Variants in ATF7IP observed in about 807,000 individuals in gnomAD.
ATF7IP encodes activating transcription factor 7-interacting protein 1.
A neutral mutation model predicts 106.4 loss-of-function variants in ATF7IP; 23 were observed. The ratio of observed to expected loss-of-function variants is 0.22; its 90% CI spans 0.16 to 0.31. The LOEUF is 0.31. ATF7IP is among the 10% of genes least tolerant of loss of function. The probability of loss-of-function intolerance (pLI) is 1.00; values close to 1 mark genes in which losing one functional copy is unlikely to be tolerated. For synonymous variants in ATF7IP, 542 were observed against 539.0 expected (o/e 1.01, Z -0.08); for missense variants, 1,334 against 1,524.3 (o/e 0.88, Z 2.08).
chr12:14,371,930 T>G (rs1938547934), intron 1 of ATF7IP, among the ~76,000 whole-genome samples: 1 of 152,124 alleles, frequency 6.6e-6, no homozygotes, highest in Admixed American at 6.5e-5. Context: ...TTCCTGCCTT[T>G]TGAGTTTCTA....
chr12:14,464,022 A>T (rs2136737599), intron 9 of ATF7IP, among the ~76,000 whole-genome samples: 1 of 152,282 alleles, frequency 6.6e-6, no homozygotes, highest in South Asian at 2.1e-4. Context: ...ACTATATAAA[A>T]CTAGAGTTGG....
Position 14,451,086 on chromosome 12 carries a change from T to C in ATF7IP, c.1995+4033T>C, listed in dbSNP as rs187797642. Among the ~76,000 whole-genome samples, 184 of 152,198 alleles carry C rather than the reference T, an allele frequency of 1.2e-3. 2 individuals carry two copies. The highest frequency in any genetic ancestry group is 4.2e-3 in the African/African-American group (176 of 41,570). ...ACTGATTAAGTCTCCTTAATAATTA[T>C]AGATTTATTTATTTATTTACTTTTA... On this transcript the variant is annotated intron_variant, in intron 6 of 14. Transcript: ENST00000261168.
chr12:14,425,034 A>C lies in ATF7IP; in HGVS notation c.1119A>C (p.Glu373Asp), dbSNP rs1174791614. The C allele has an allele frequency of 7.5e-6, 12 of 1,610,500 alleles. No homozygotes were observed. The highest frequency in any genetic ancestry group is 1.0e-5 in the Non-Finnish European group (12 of 1,179,128). The change falls in exon 2 of 15, where the codon GAA becomes GAC. Residue 373 changes from glutamate (E) to aspartate (D), a missense_variant. Coordinates refer to ENST00000261168, the MANE Select transcript of ATF7IP (RefSeq NM_018179.5). The part of the protein sequence containing the change: ...RPPENEKKVE[E>D]DIITELALGE... ...CTGAAAATGAAAAGAAGGTAGAGGAAGATATTATCACAGAGCTTGCTCTTG... is the reference window on the plus strand; with the variant it reads ...CTGAAAATGAAAAGAAGGTAGAGGACGATATTATCACAGAGCTTGCTCTTG...
chr12:14,416,278 TATTTA>T (rs1004588274), intron 1 of ATF7IP, among the ~76,000 whole-genome samples: 1 of 75,600 alleles, frequency 1.3e-5, no homozygotes, highest in African/African-American at 3.1e-5. Context: ...GATTATTTAA[TATTTA>T]ATTCAGCCAT....
chr12:14,462,961 A>G (rs1256512947), intron 9 of ATF7IP, among the ~76,000 whole-genome samples: 1 of 151,984 alleles, frequency 6.6e-6, no homozygotes, highest in Non-Finnish European at 1.5e-5. Context: ...TTTTTTCATA[A>G]TGCTAACTAA....
chr12:14,500,091 G>A lies in ATF7IP; in HGVS notation c.*2018G>A, dbSNP rs934750876. 1.3e-5 allele frequency: 2 copies of A among 152,274 alleles called. No individual in the cohort carries two copies. Among genetic ancestry groups the A allele is most frequent in the African/African-American group, 2.4e-5 (1 of 41,572 alleles). 9.4% of individuals were successfully genotyped at this position (152,274 alleles called of 1,614,324 possible). Reference sequence around the variant, plus strand: ...TTTATGGAGTTTGTGAAATAACTTCGAAGTCCTCTTCCTTTACAATATTTG... The same window carrying A: ...TTTATGGAGTTTGTGAAATAACTTCAAAGTCCTCTTCCTTTACAATATTTG... On this transcript the variant is annotated 3_prime_UTR_variant, in exon 15 of 15. Transcript: ENST00000261168.
At chr12:14,416,869 A>G in intron 1 of ATF7IP, 1 of 977,130 alleles carries the variant, frequency 1.0e-6, no homozygotes, top group Non-Finnish European at 1.2e-6. Flanking sequence ...GGACTGAAAC[A>G]TTGAAGCAGC....
chr12:14,376,919 C>T (rs1283289862), intron 1 of ATF7IP, among the ~76,000 whole-genome samples: 1 of 151,376 alleles, frequency 6.6e-6, no homozygotes, highest in Non-Finnish European at 1.5e-5. Context: ...GAACAAAACT[C>T]CATCTCAAAA....
chr12:14,372,922 T>C (rs893330294), intron 1 of ATF7IP, among the ~76,000 whole-genome samples: 1 of 152,180 alleles, frequency 6.6e-6, no homozygotes, highest in African/African-American at 2.4e-5. Flanking sequence ...TCCTCAGAAC[T>C]GTCAAAGCTG....
intron 9 of ATF7IP, 148 bp downstream of exon 9, chr12:14,461,281 C>G (rs1943629494): frequency 1.3e-6 from 1 of 744,674 alleles, no homozygotes; most frequent in South Asian, 3.0e-5. Context: ...TTTTTAGATA[C>G]CTGAGAGAAA....
chr12:14,392,472 C>G (rs75499389), intron 1 of ATF7IP, among the ~76,000 whole-genome samples: 186 of 152,286 alleles, frequency 1.2e-3, no homozygotes, highest in Non-Finnish European at 2.0e-3. Flanking sequence ...AGAGTGAAAA[C>G]TAAAACAGAC....
In ATF7IP at chr12:14,480,685, G is replaced by A. The variant is rs1395358173; in HGVS notation, c.3098-318G>A. Among the ~76,000 whole-genome samples the A allele has an allele frequency of 3.3e-5, 5 of 152,278 alleles. No individual in the cohort carries two copies. The South Asian group carries it at 8.3e-4, about 25-fold the overall frequency. On this transcript the variant is annotated intron_variant, in intron 12 of 14. Transcript: ENST00000261168. ...AAATTAGGAGGTTTTTCTCTTTTAA[G>A]TCACTCCTGTGGCATCATACTCTTA...
Position 14,396,262 on chromosome 12 carries a change from A to C in ATF7IP, c.-7-27647A>C, listed in dbSNP as rs75035690. On this transcript the variant is annotated intron_variant, in intron 1 of 14. Coordinates refer to ENST00000261168, the MANE Select transcript of ATF7IP (RefSeq NM_018179.5). ...CAAGCAGCAGGCTCTTTCTGTAACC[A>C]AAGTGTTACTTTTAGGTGGGACTTC... 4.8e-3 allele frequency among the ~76,000 whole-genome samples: 725 copies of C among 152,224 alleles called. 3 individuals carry two copies. Among genetic ancestry groups the C allele is most frequent in the Non-Finnish European group, 6.5e-3 (440 of 68,014 alleles).
chr12:14,411,589 G>T (rs1177129419), intron 1 of ATF7IP, among the ~76,000 whole-genome samples: 5 of 151,224 alleles, frequency 3.3e-5, no homozygotes. Flanking sequence ...TTGTGGAAAT[G>T]CCTGTTAAGT....
Position 14,409,140 on chromosome 12 carries a change from C to T in ATF7IP, c.-7-14769C>T, listed in dbSNP as rs2136491590. Reference sequence around the variant, plus strand: ...AGAAGTAATAATTTTATACTAGATACTCGATAAAAATGTCAAAGTGTTCCA... The same window carrying T: ...AGAAGTAATAATTTTATACTAGATATTCGATAAAAATGTCAAAGTGTTCCA... On this transcript the variant is annotated intron_variant, in intron 1 of 14. Coordinates refer to ENST00000261168, the MANE Select transcript of ATF7IP (RefSeq NM_018179.5). Among the ~76,000 whole-genome samples the T allele has an allele frequency of 1.3e-5, 2 of 151,862 alleles. 1 individual carries two copies. The highest frequency in any genetic ancestry group is 4.1e-4 in the South Asian group (2 of 4,826).
intron 4 of ATF7IP, among the ~76,000 whole-genome samples, chr12:14,437,174 T>A (rs1942442428): frequency 6.6e-6 from 1 of 152,200 alleles, no homozygotes; most frequent in African/African-American, 2.4e-5. Context: ...CAACATGTGT[T>A]CACAAATGTT....
intron 1 of ATF7IP, among the ~76,000 whole-genome samples, chr12:14,398,063 G>A (rs1237350563): frequency 6.6e-6 from 1 of 151,924 alleles, no homozygotes; most frequent in African/African-American, 2.4e-5. Flanking sequence ...TTCTCATGTT[G>A]TTCGTTATAT....
At chr12:14,402,417 C>T (rs1428176930) in intron 1 of ATF7IP, among the ~76,000 whole-genome samples, 1 of 152,036 alleles carries the variant, frequency 6.6e-6, no homozygotes, top group Non-Finnish European at 1.5e-5. Flanking sequence ...CATAAGCCAC[C>T]ATGCCTGGCT....
At chr12:14,496,638 AG>A (rs1457089790) in intron 14 of ATF7IP, among the ~76,000 whole-genome samples, 3 of 152,218 alleles carry the variant, frequency 2.0e-5, no homozygotes, top group Non-Finnish European at 4.4e-5. Flanking sequence ...TAAATTAAAA[AG>A]GACATTTTTC....
Sources: gnomAD v4.1 joint callset for allele counts (sites outside exome capture counted in the v4.1 genomes callset) on GRCh38, gnomAD v4.1.1 for gene constraint, MANE v1.5 for transcripts, NCBI Gene and HGNC (gene_info 2026-07-23, HGNC 2026-07-21) for gene names.